The following ASS1 variants were observed in gnomAD, a reference collection of about 807,000 sequenced individuals.
The protein encoded by ASS1 is argininosuccinate synthase 1.
Under a neutral mutation model 60.5 loss-of-function variants are expected in ASS1, and 58 were observed. The observed-to-expected ratio is 0.96, with a 90% CI of 0.78 to 1.19. The LOEUF (loss-of-function observed/expected upper bound fraction) is 1.19. Ranked by LOEUF, ASS1 falls within the 50% of genes most tolerant of loss-of-function variation. The pLI is 0.00. For missense variants in ASS1, 454 were observed against 547.3 expected (o/e 0.83, Z 1.70); for synonymous variants, 200 against 206.9 (o/e 0.97, Z 0.29).
intron 11 of ASS1, among the ~76,000 whole-genome samples, chr9:130,480,708 C>T (rs781061932): frequency 6.6e-6 from 1 of 152,188 alleles, no homozygotes; most frequent in Non-Finnish European, 1.5e-5. Context: ...GGGGAGTCTC[C>T]GAGGAGCAGG....
intron 12 of ASS1, among the ~76,000 whole-genome samples, chr9:130,490,561 G>A (rs1305629602): frequency 2.0e-5 from 3 of 152,086 alleles, no homozygotes; most frequent in Non-Finnish European, 4.4e-5. Flanking sequence ...TGATCCGCCC[G>A]TCTTGGCCTC....
rs1846092486 is a variant in ASS1, at chr9:130,478,969, G to A, written c.689-747G>A. Among the ~76,000 whole-genome samples, 1 of 152,160 alleles carries A rather than the reference G, an allele frequency of 6.6e-6. No individual in the cohort carries two copies. The highest frequency in any genetic ancestry group is 2.4e-5 in the African/African-American group (1 of 41,424). On this transcript the variant is annotated intron_variant, in intron 9 of 14. Coordinates refer to ENST00000352480, the MANE Select transcript of ASS1 (RefSeq NM_054012.4). The surrounding 1 kb of genome is among the most constrained non-coding windows in gnomAD (Gnocchi z 4.7). ...AGCCGGGCAGATGGGTGGGGGATTA[G>A]CCGCCAACTTTGAACAGCTTTTCTT...
chr9:130,455,324 A>C (rs1845424918), intron 3 of ASS1, among the ~76,000 whole-genome samples: 1 of 150,438 alleles, frequency 6.6e-6, no homozygotes. Flanking sequence ...ATCCATCCAC[A>C]TATCCATCTG....
chr9:130,458,260 C>T (rs552293573), intron 3 of ASS1, 141 bp from the exon 4 acceptor site: 6 of 877,516 alleles, frequency 6.8e-6, no homozygotes, highest in Non-Finnish European at 1.1e-5. Flanking sequence ...ATGATGTCTA[C>T]TACAGATGCA....
intron 8 of ASS1, among the ~76,000 whole-genome samples, chr9:130,474,412 G>A (rs1056544620): frequency 5.9e-5 from 9 of 152,034 alleles, no homozygotes; most frequent in Non-Finnish European, 8.8e-5. Flanking sequence ...GAAGTGTGGC[G>A]GGAGAGAAAG....
At chr9:130,468,847 G>A (rs187793232) in intron 6 of ASS1, among the ~76,000 whole-genome samples, 16 of 152,318 alleles carry the variant, frequency 1.1e-4, no homozygotes, top group African/African-American at 3.9e-4. Context: ...AAACAGGATG[G>A]TCTCACGTTG....
chr9:130,485,356 G>C (rs964052851), intron 11 of ASS1, among the ~76,000 whole-genome samples: 2 of 152,200 alleles, frequency 1.3e-5, no homozygotes, highest in Non-Finnish European at 2.9e-5. Context: ...TTTCCAGATG[G>C]GTTGCCTGGG....
At chr9:130,446,422 C>T (rs932726589) in intron 1 of ASS1, among the ~76,000 whole-genome samples, 11 of 146,952 alleles carry the variant, frequency 7.5e-5, no homozygotes, top group African/African-American at 2.7e-4. Context: ...AGGCCTAGGG[C>T]GGGGAAGTTT....
intron 6 of ASS1, among the ~76,000 whole-genome samples, chr9:130,468,411 T>TA (rs57088521): frequency 2.6e-5 from 4 of 151,666 alleles, no homozygotes; most frequent in South Asian, 4.2e-4. Context: ...CACCATAATT[T>TA]AAAAAAAAAT....
At chr9:130,483,154 G>A (rs1693983539) in intron 11 of ASS1, among the ~76,000 whole-genome samples, 1 of 152,068 alleles carries the variant, frequency 6.6e-6, no homozygotes, top group South Asian at 2.1e-4. Flanking sequence ...CGGTAAATTA[G>A]GGCACTGTGG....
chr9:130,473,651 C>T (rs1227903807), intron 8 of ASS1, among the ~76,000 whole-genome samples: 1 of 152,180 alleles, frequency 6.6e-6, no homozygotes, highest in Non-Finnish European at 1.5e-5. Flanking sequence ...TCGGGATGAG[C>T]TCAGGGGAAC....
At chr9:130,468,631 C>T in intron 6 of ASS1, among the ~76,000 whole-genome samples, 1 of 152,018 alleles carries the variant, frequency 6.6e-6, no homozygotes, top group East Asian at 1.9e-4. Context: ...AGGGTCTCAC[C>T]ATGTTGCCCA....
chr9:130,469,577 AT>A (rs1363967402), intron 6 of ASS1, among the ~76,000 whole-genome samples: 1 of 152,006 alleles, frequency 6.6e-6, no homozygotes, highest in Non-Finnish European at 1.5e-5. Flanking sequence ...TGCCAGGCTA[AT>A]TTTTGTTATC....
rs925038635 is a variant in ASS1, at chr9:130,491,364, C to T, written c.970+1900C>T. 5.3e-5 allele frequency among the ~76,000 whole-genome samples: 8 copies of T among 152,176 alleles called. No individual in the cohort carries two copies. Among genetic ancestry groups the T allele is most frequent in the African/African-American group, 1.9e-4 (8 of 41,452 alleles). Reference sequence around the variant, plus strand: ...TCCACGGAGGCTGATCCCACCGTGGCCGCGGCCACGGCTGCCACTTATCCT... The same window carrying T: ...TCCACGGAGGCTGATCCCACCGTGGTCGCGGCCACGGCTGCCACTTATCCT... On this transcript the variant is annotated intron_variant, in intron 12 of 14. Coordinates refer to ENST00000352480, the MANE Select transcript of ASS1 (RefSeq NM_054012.4). The surrounding 1 kb of genome is among the most constrained non-coding windows in gnomAD (Gnocchi z 5.3).
chr9:130,456,677 C>T (rs550469877), intron 3 of ASS1, among the ~76,000 whole-genome samples: 2 of 152,162 alleles, frequency 1.3e-5, no homozygotes, highest in African/African-American at 2.4e-5. Context: ...TGGCTGGGTG[C>T]GGTGGCTCAC....
chr9:130,473,354 C>T (rs1423772933), intron 8 of ASS1, among the ~76,000 whole-genome samples: 1 of 152,194 alleles, frequency 6.6e-6, no homozygotes, highest in African/African-American at 2.4e-5. Context: ...CCCATGCTAC[C>T]TCTTCATGGG....
intron 13 of ASS1, among the ~76,000 whole-genome samples, chr9:130,498,710 C>T (rs980256208): frequency 6.6e-5 from 10 of 152,184 alleles, no homozygotes; most frequent in South Asian, 2.1e-4. Context: ...GCTGAGGCTC[C>T]GAGTGCAGGA....
chr9:130,481,287 G>T (rs1057222035), intron 11 of ASS1, among the ~76,000 whole-genome samples: 1 of 152,122 alleles, frequency 6.6e-6, no homozygotes, highest in Non-Finnish European at 1.5e-5. Flanking sequence ...TTTCTTGGGG[G>T]TCCTAAGAGG....
At chr9:130,449,342 G>GA (rs55853169) in intron 1 of ASS1, among the ~76,000 whole-genome samples, 28,091 of 91,332 alleles carry the variant, frequency 0.31, 4,452 homozygotes, top group Non-Finnish European at 0.36. Flanking sequence ...GACCCTGTCT[G>GA]AAAAAAAAAA....
Sources: gnomAD v4.1 joint callset for allele counts (sites outside exome capture counted in the v4.1 genomes callset) on GRCh38, gnomAD v4.1.1 for gene constraint, Gnocchi (gnomAD v3.1) non-coding constraint, MANE v1.5 for transcripts, NCBI Gene and HGNC (gene_info 2026-07-23, HGNC 2026-07-21) for gene names.